The following MGST1 variants were observed in gnomAD, a reference collection of about 807,000 sequenced individuals.
The protein encoded by MGST1 is microsomal glutathione S-transferase 1.
Under a neutral mutation model 8.9 loss-of-function variants are expected in MGST1, and 5 were observed. That is an observed-to-expected ratio of 0.56 (90% CI 0.29 to 1.19). The LOEUF (loss-of-function observed/expected upper bound fraction) is 1.19, where lower values mean the gene tolerates loss of function less well. Ranked by LOEUF, MGST1 falls within the 50% of genes most tolerant of loss-of-function variation. The pLI is 0.08. For synonymous variants in MGST1, 54 were observed against 67.8 expected, an observed-to-expected ratio of 0.80 and a Z score of 1.00; for missense variants, 182 against 187.4, an observed-to-expected ratio of 0.97 and a Z score of 0.17.
chr12:16,396,144 A>T (rs1204903501), intron 1 of MGST1, among the ~76,000 whole-genome samples: 2 of 152,024 alleles, frequency 1.3e-5, no homozygotes, highest in Admixed American at 1.3e-4. Context: ...CCATTCTTGC[A>T]GGAGTAAGGT....
At chr12:16,495,739 C>G (rs1244500291) in intron 4 of MGST1, among the ~76,000 whole-genome samples, 2 of 151,478 alleles carry the variant, frequency 1.3e-5, no homozygotes, top group East Asian at 3.9e-4. Context: ...ATATGATCTG[C>G]CTTTGTGTTT....
intron 4 of MGST1, among the ~76,000 whole-genome samples, chr12:16,469,142 C>T (rs1175066578): frequency 1.3e-5 from 2 of 150,698 alleles, no homozygotes; most frequent in Non-Finnish European, 2.9e-5. Context: ...GCTGGGCTAG[C>T]ACTATAACTG....
rs1301086597 is a variant in MGST1 at position 16,401,213 on chromosome 12, T to C, written n.778+17609T>C. 2 of 1,565,768 alleles carry C rather than the reference T, an allele frequency of 1.3e-6. No homozygotes were observed. Among genetic ancestry groups the C allele is most frequent in the South Asian group, 2.2e-5 (2 of 90,076 alleles). On this transcript the variant is annotated intron_variant and non_coding_transcript_variant, in intron 1 of 1. Transcript: ENST00000359720. The surrounding 1 kb of genome is among the most constrained non-coding windows in gnomAD (Gnocchi z 4.3). ...TCCTCATCCATAAGCACTGTGTCACTAAGGAACAGGGCATAGGTTTTCTCT... is the reference window on the plus strand; with the variant it reads ...TCCTCATCCATAAGCACTGTGTCACCAAGGAACAGGGCATAGGTTTTCTCT...
chr12:16,434,033 C>G (rs569604198), intron 1 of MGST1, among the ~76,000 whole-genome samples: 13 of 152,226 alleles, frequency 8.5e-5, no homozygotes, highest in African/African-American at 2.9e-4. Context: ...GTGTCCATCT[C>G]TTTTCACAGT....
chr12:16,419,084 G>A (rs1940810448), intron 1 of MGST1, among the ~76,000 whole-genome samples: 1 of 152,122 alleles, frequency 6.6e-6, no homozygotes, highest in South Asian at 2.1e-4. Context: ...CTAAATTGGA[G>A]CCACTTCTCT....
chr12:16,565,084 C>T (rs11056996), intron 4 of MGST1, among the ~76,000 whole-genome samples: 39,384 of 151,898 alleles, frequency 0.26, 6,221 homozygotes, highest in South Asian at 0.39. Flanking sequence ...CCACTATGCC[C>T]GGTCTAGTAT....
chr12:16,368,887 G>T (rs1940239348), downstream of MGST1, among the ~76,000 whole-genome samples: 1 of 152,120 alleles, frequency 6.6e-6, no homozygotes, highest in Non-Finnish European at 1.5e-5. Context: ...GGACAATATA[G>T]ACTCTGATAT....
chr12:16,400,537 C>T (rs1366945458), intron 1 of MGST1: 30 of 860,514 alleles, frequency 3.5e-5, no homozygotes, highest in Non-Finnish European at 4.8e-5. Flanking sequence ...AGTTTTATAA[C>T]GTTTCTGTAC....
In MGST1 at chr12:16,364,130, G is replaced by A; in HGVS notation, c.*89G>A. On this transcript the variant is annotated 3_prime_UTR_variant, in exon 4 of 4. Transcript: ENST00000396210. This position sits in a 1 kb window ranked among gnomAD's most constrained non-coding sequence, Gnocchi z 5.7. ...GAATACTTTCTTAGATTTTAGGTAG[G>A]AGGGGAGCAGAGGAATTATGAACTG... is the stretch of plus-strand genomic sequence containing the variant. The A allele has an allele frequency of 6.8e-7, 1 of 1,461,368 alleles. No individual in the cohort carries two copies. The highest frequency in any genetic ancestry group is 2.3e-5 in the East Asian group (1 of 42,614). The allele number at this position is 1,461,368 out of a possible 1,614,324, so 90.5% of individuals were successfully genotyped here.
At chr12:16,434,759 T>C (rs963700599) in intron 1 of MGST1, among the ~76,000 whole-genome samples, 2 of 152,014 alleles carry the variant, frequency 1.3e-5, no homozygotes, top group Non-Finnish European at 2.9e-5. Flanking sequence ...CCAGCATGCT[T>C]GACTTCTAAG....
chr12:16,471,256 C>T (rs917278962), intron 4 of MGST1, among the ~76,000 whole-genome samples: 4 of 152,142 alleles, frequency 2.6e-5, no homozygotes, highest in South Asian at 2.1e-4. Flanking sequence ...CACTTGCCTC[C>T]GGCAGTGGCC....
chr12:16,357,519 G>A, intron 2 of MGST1, 86 bp from the exon 3 acceptor site: 1 of 985,036 alleles, frequency 1.0e-6, no homozygotes, highest in East Asian at 2.6e-5. Context: ...TCCTGCCTCA[G>A]CCTCACAAAG....
At chr12:16,415,482 C>A (rs1219618369) in intron 1 of MGST1, among the ~76,000 whole-genome samples, 24 of 152,188 alleles carry the variant, frequency 1.6e-4, no homozygotes, top group Admixed American at 1.6e-3. Flanking sequence ...TCCTCTACTT[C>A]CTCCTCTTCC....
At chr12:16,385,727 A>G (rs1282941022) in intron 1 of MGST1, among the ~76,000 whole-genome samples, 1 of 150,198 alleles carries the variant, frequency 6.7e-6, no homozygotes, top group African/African-American at 2.5e-5. Context: ...TGGGTGGCTA[A>G]CTTTGATTTG....
chr12:16,480,354 G>C (rs760880935), intron 4 of MGST1, among the ~76,000 whole-genome samples: 1 of 151,820 alleles, frequency 6.6e-6, no homozygotes, highest in African/African-American at 2.4e-5. Context: ...TGTTGGCCAG[G>C]ATGGTCTCGA....
At chr12:16,531,765 G>C (rs915592351) in intron 4 of MGST1, among the ~76,000 whole-genome samples, 2 of 152,150 alleles carry the variant, frequency 1.3e-5, no homozygotes, top group Non-Finnish European at 2.9e-5. Context: ...AATGCACAGA[G>C]GCGCTTCTTT....
chr12:16,395,019 ATT>A (rs980613811), intron 1 of MGST1, among the ~76,000 whole-genome samples: 110 of 152,060 alleles, frequency 7.2e-4, no homozygotes, highest in African/African-American at 2.6e-3. Flanking sequence ...ATGCTTTACA[ATT>A]TTTTTGATAA....
chr12:16,577,990 C>G (rs765860020), intron 4 of MGST1, among the ~76,000 whole-genome samples: 17 of 152,168 alleles, frequency 1.1e-4, no homozygotes, highest in Non-Finnish European at 2.2e-4. Flanking sequence ...TCTGGCAACA[C>G]TACAACTAAT....
intron 4 of MGST1, among the ~76,000 whole-genome samples, chr12:16,464,064 C>T (rs2137127934): frequency 6.6e-6 from 1 of 152,222 alleles, no homozygotes; most frequent in Non-Finnish European, 1.5e-5. Context: ...GAAATGTGAG[C>T]CAGTTACTTG....
Sources: gnomAD v4.1 joint callset for allele counts (sites outside exome capture counted in the v4.1 genomes callset) on GRCh38, gnomAD v4.1.1 for gene constraint, Gnocchi (gnomAD v3.1) non-coding constraint, MANE v1.5 for transcripts, NCBI Gene and HGNC (gene_info 2026-07-23, HGNC 2026-07-21) for gene names.